DGCR8: variants seen among roughly 807,000 people sequenced by gnomAD.
DGCR8 encodes the protein DGCR8 microprocessor complex subunit, also known as microprocessor complex subunit DGCR8.
DGCR8 carries 14 observed loss-of-function variants against 78.5 expected under a neutral mutation model. The observed-to-expected ratio is 0.18, with a 90% CI of 0.12 to 0.28. DGCR8 has a LOEUF of 0.28. Ranked by LOEUF, DGCR8 falls within the 10% of genes least tolerant of loss-of-function variation. DGCR8 has a pLI of 1.00. For missense variants in DGCR8, 702 were observed against 1,022.5 expected (o/e 0.69, Z 4.28); for synonymous variants, 399 against 402.4 (o/e 0.99, Z 0.10).
intron 9 of DGCR8, among the ~76,000 whole-genome samples, chr22:20,099,852 C>T (rs73389779): frequency 0.046 from 7,028 of 152,260 alleles, 535 homozygotes; most frequent in African/African-American, 0.16. Context: ...TCTTAAGTTT[C>T]TTGAACTCCT....
chr22:20,080,442 G>C (rs1307769852), intron 1 of DGCR8, 59 bp downstream of exon 1: 1 of 979,430 alleles, frequency 1.0e-6, no homozygotes, highest in Non-Finnish European at 1.2e-6. Flanking sequence ...CGGCCTGCGC[G>C]AGGGCGCGCC....
chr22:20,083,289 G>A (rs1255531152), intron 1 of DGCR8, among the ~76,000 whole-genome samples: 2 of 151,522 alleles, frequency 1.3e-5, no homozygotes, highest in Non-Finnish European at 2.9e-5. Flanking sequence ...TTAGTTGTTA[G>A]CGGTCCATCT....
At chr22:20,088,257 G>A (rs540646547) in intron 3 of DGCR8, among the ~76,000 whole-genome samples, 1 of 152,250 alleles carries the variant, frequency 6.6e-6, no homozygotes, top group African/African-American at 2.4e-5. Context: ...GGTAAACCTG[G>A]GGCTTCAGCT....
Position 20,110,211 on chromosome 22 carries a change from C to T in DGCR8, c.*103C>T. ...CAGTGTCAGGCCTCCAACCCACGCT[C>T]CTTCCCTGTGGCCAACCTGTGGGCC... On this transcript the variant is annotated 3_prime_UTR_variant, in exon 14 of 14. Transcript: ENST00000351989. 8.1e-7 allele frequency: 1 copy of T among 1,241,530 alleles called. No individual in the cohort carries two copies. The highest frequency in any genetic ancestry group is 1.5e-5 in the African/African-American group (1 of 67,720). 76.9% of individuals were successfully genotyped at this position (1,241,530 alleles called of 1,614,324 possible). A position where few individuals can be genotyped will look rare whatever the true frequency, so the allele number is the denominator to read the frequency against.
chr22:20,084,657 C>T (rs919387759), intron 1 of DGCR8, among the ~76,000 whole-genome samples: 2 of 152,206 alleles, frequency 1.3e-5, no homozygotes, highest in East Asian at 1.9e-4. Flanking sequence ...CTGTTCTCCT[C>T]GCCAGGCTCC....
At chr22:20,092,075 G>A in intron 7 of DGCR8, 105 bp downstream of exon 7, 1 of 887,954 alleles carries the variant, frequency 1.1e-6, no homozygotes, top group South Asian at 1.5e-5. Context: ...TACTGGAACG[G>A]GAGGAAAGGG....
At chr22:20,093,012 TG>T in intron 8 of DGCR8, 105 bp downstream of exon 8, 1 of 744,862 alleles carries the variant, frequency 1.3e-6, no homozygotes. Context: ...GGGATGTGGG[TG>T]GGGCATGTTT....
chr22:20,084,453 T>C (rs1386946118), intron 1 of DGCR8, among the ~76,000 whole-genome samples: 2 of 152,182 alleles, frequency 1.3e-5, no homozygotes, highest in Non-Finnish European at 2.9e-5. Flanking sequence ...CCCTGCTTCA[T>C]GTTGTCCCTT....
rs367769950 is a variant in DGCR8 at position 20,111,336 on chromosome 22, A to C, written c.*1228A>C. On this transcript the variant is annotated 3_prime_UTR_variant, in exon 14 of 14. Transcript: ENST00000351989. ...CGTTCTGCCGTGTCTGTCCCCCACC[A>C]TGCCCCCTACAGGCGGTACTGATGG... The C allele has an allele frequency of 2.0e-5, 8 of 396,968 alleles. No homozygotes were observed. Among genetic ancestry groups the C allele is most frequent in the South Asian group, 2.6e-4 (2 of 7,764 alleles). The allele number at this position is 396,968 out of a possible 1,614,324, so 24.6% of individuals were successfully genotyped here. A position where few individuals can be genotyped will look rare whatever the true frequency, so the allele number is the denominator to read the frequency against.
At chr22:20,083,997 T>G (rs2049448486) in intron 1 of DGCR8, among the ~76,000 whole-genome samples, 1 of 152,212 alleles carries the variant, frequency 6.6e-6, no homozygotes, top group Non-Finnish European at 1.5e-5. Flanking sequence ...CCCATTAGAT[T>G]CAGAAATGTT....
At position 20,107,788 on chromosome 22, in the gene DGCR8, C is replaced by T. The variant is rs5748534; in HGVS notation, c.2124+390C>T. The stretch of plus-strand genomic sequence containing the variant: ...GGAGAGCGAGTGTGTCAGGGTAGCT[C>T]TCCCTGGTACCAGTGCCGGTCCATC... On this transcript the variant is annotated intron_variant, in intron 12 of 13. Transcript: ENST00000351989. The T allele has an allele frequency of 1.9e-5, 5 of 262,538 alleles. No homozygotes were observed. In the Admixed American group the frequency reaches 2.4e-4, roughly 12 times the overall value. The allele number at this position is 262,538 out of a possible 1,614,324, so 16.3% of individuals were successfully genotyped here. A position where few individuals can be genotyped will look rare whatever the true frequency, so the allele number is the denominator to read the frequency against.
chr22:20,097,812 ATTC>A lies in DGCR8; in HGVS notation c.1788+3020_1788+3022del, dbSNP rs961162020. On this transcript the variant is annotated intron_variant, in intron 9 of 13. Transcript: ENST00000351989. ...GGTAATGCATTGTTTTTATACTTTA[ATTC>A]TTTTTTTTTTTTTTTTTAATTATAT... is the stretch of plus-strand genomic sequence containing the variant. 5.3e-5 allele frequency among the ~76,000 whole-genome samples: 6 copies of A among 112,390 alleles called. No individual in the cohort carries two copies. The South Asian group carries it at 1.5e-3, about 28-fold the overall frequency. 73.7% of individuals were successfully genotyped at this position (112,390 alleles called of 152,430 possible). A position where few individuals can be genotyped will look rare whatever the true frequency, so the allele number is the denominator to read the frequency against.
In DGCR8 at chr22:20,109,021, G is replaced by A. The variant is rs374931798; in HGVS notation, c.2238+18G>A. Reference sequence around the variant, plus strand: ...AGGAAAGGGTGAGTGCCACCCTAGCGGGAGGGCTGCCGGGCCACGGCCATT... The same window carrying A: ...AGGAAAGGGTGAGTGCCACCCTAGCAGGAGGGCTGCCGGGCCACGGCCATT... On this transcript the variant is annotated intron_variant, in intron 13 of 13. Transcript: ENST00000351989. The A allele has an allele frequency of 4.3e-6, 6 of 1,381,462 alleles. No individual in the cohort carries two copies. Among genetic ancestry groups the A allele is most frequent in the African/African-American group, 2.8e-5 (2 of 70,430 alleles). 85.6% of individuals were successfully genotyped at this position (1,381,462 alleles called of 1,614,324 possible).
Position 20,096,505 on chromosome 22 carries a change from C to T in DGCR8, c.1788+1710C>T, listed in dbSNP as rs560908624. 1.3e-4 allele frequency: 132 copies of T among 983,834 alleles called. No individual in the cohort carries two copies. The African/African-American group carries it at 2.2e-3, about 16-fold the overall frequency. 60.9% of individuals were successfully genotyped at this position (983,834 alleles called of 1,614,324 possible). ...CTTGTGGAATTTTGAAGGGTGCATT[C>T]TTATTTATATAATAGCTTTATTGAG... is the stretch of plus-strand genomic sequence containing the variant. On this transcript the variant is annotated intron_variant, in intron 9 of 13. Coordinates refer to ENST00000351989, the MANE Select transcript of DGCR8 (RefSeq NM_022720.7).
intron 1 of DGCR8, among the ~76,000 whole-genome samples, chr22:20,084,817 G>A (rs114176820): frequency 6.6e-6 from 1 of 152,196 alleles, no homozygotes; most frequent in Non-Finnish European, 1.5e-5. Context: ...TTGTCCTCTG[G>A]CCTGGAGGAC....
Position 20,087,150 on chromosome 22 carries a change from C to A in DGCR8, c.721-12C>A. On this transcript the variant is annotated splice_polypyrimidine_tract_variant and intron_variant, in intron 2 of 13. Coordinates refer to ENST00000351989, the MANE Select transcript of DGCR8 (RefSeq NM_022720.7). The surrounding 1 kb of genome is among the most constrained non-coding windows in gnomAD (Gnocchi z 4.1). ...GCCAGGGGCTCTGGTGTCTGAACAG[C>A]GTGTTTTGCAGGATGACTTTGACAA... is the stretch of plus-strand genomic sequence containing the variant. 1 of 1,602,778 alleles carries A rather than the reference C, an allele frequency of 6.2e-7. No individual in the cohort carries two copies. Among genetic ancestry groups the A allele is most frequent in the South Asian group, 1.1e-5 (1 of 89,956 alleles).
chr22:20,100,562 G>T, intron 9 of DGCR8: 5 of 985,384 alleles, frequency 5.1e-6, no homozygotes, highest in Non-Finnish European at 4.8e-6. Context: ...CCTGTTCTTT[G>T]CTATGGGGTG....
Position 20,094,807 on chromosome 22 carries a change from G to T in DGCR8, c.1788+12G>T. 1 of 1,612,688 alleles carries T rather than the reference G, an allele frequency of 6.2e-7. No individual in the cohort carries two copies. ...GTGAAGAACTCGAGGTGAGTGTTGTGGTCCTGCCCTGCTGGGAGCTGTGTG... is the reference window on the plus strand; with the variant it reads ...GTGAAGAACTCGAGGTGAGTGTTGTTGTCCTGCCCTGCTGGGAGCTGTGTG... On this transcript the variant is annotated intron_variant, in intron 9 of 13. Transcript: ENST00000351989.
At chr22:20,096,601 A>G (rs144796198) in intron 9 of DGCR8, 173 of 429,268 alleles carry the variant, frequency 4.0e-4, no homozygotes, top group African/African-American at 3.3e-3. Flanking sequence ...GAGTTGTATA[A>G]CCATCATAAC....
Sources: gnomAD v4.1 joint callset for allele counts (sites outside exome capture counted in the v4.1 genomes callset) on GRCh38, gnomAD v4.1.1 for gene constraint, Gnocchi (gnomAD v3.1) non-coding constraint, MANE v1.5 for transcripts, NCBI Gene and HGNC (gene_info 2026-07-23, HGNC 2026-07-21) for gene names.